CDYL2: variants seen among roughly 807,000 people sequenced by gnomAD.
CDYL2 encodes chromodomain Y-like protein 2.
In CDYL2, 23 loss-of-function variants were observed where a neutral mutation model predicts 49.4. The observed-to-expected ratio is 0.47, with a 90% CI of 0.34 to 0.66. The LOEUF is 0.66. Ranked by LOEUF, CDYL2 falls within the 30% of genes least tolerant of loss-of-function variation. The pLI is 0.01. For synonymous variants in CDYL2, 360 were observed against 268.8 expected, an observed-to-expected ratio of 1.34 and a Z score of -3.32; for missense variants, 678 against 656.4, an observed-to-expected ratio of 1.03 and a Z score of -0.36.
At chr16:80,754,861 A>G (rs1180386960) in intron 1 of CDYL2, among the ~76,000 whole-genome samples, 2 of 152,178 alleles carry the variant, frequency 1.3e-5, no homozygotes, top group Admixed American at 1.3e-4. Context: ...AGCCTCCTGT[A>G]TCAGGGAAGG....
intron 2 of CDYL2, among the ~76,000 whole-genome samples, chr16:80,650,841 T>C (rs755310075): frequency 6.6e-6 from 1 of 151,972 alleles, no homozygotes; most frequent in Non-Finnish European, 1.5e-5. Context: ...CTGGAGGTCA[T>C]TCTGCTGAGT....
intron 1 of CDYL2, among the ~76,000 whole-genome samples, chr16:80,712,820 A>G (rs1186856798): frequency 6.6e-6 from 1 of 152,176 alleles, no homozygotes; most frequent in Non-Finnish European, 1.5e-5. Context: ...CATCTGATGT[A>G]TGTAAGATGC....
intron 2 of CDYL2, among the ~76,000 whole-genome samples, chr16:80,664,473 C>G (rs1447497770): frequency 6.6e-6 from 1 of 152,174 alleles, no homozygotes; most frequent in African/African-American, 2.4e-5. Context: ...TCACTGGGGA[C>G]CAGCTGATCC....
At chr16:80,746,609 G>A (rs1905939096) in intron 1 of CDYL2, among the ~76,000 whole-genome samples, 1 of 152,178 alleles carries the variant, frequency 6.6e-6, no homozygotes, top group South Asian at 2.1e-4. Flanking sequence ...ATAATTCCTG[G>A]CTCAGACAGC....
intron 1 of CDYL2, among the ~76,000 whole-genome samples, chr16:80,724,776 T>G (rs1905112449): frequency 6.6e-6 from 1 of 152,220 alleles, no homozygotes; most frequent in African/African-American, 2.4e-5. Flanking sequence ...TCCATCCACT[T>G]CTCTGCATCA....
chr16:80,789,810 G>A (rs899527738), intron 1 of CDYL2, among the ~76,000 whole-genome samples: 2 of 152,150 alleles, frequency 1.3e-5, no homozygotes, highest in African/African-American at 2.4e-5. Context: ...TAATAAAGAA[G>A]CAGAAAATCA....
intron 1 of CDYL2, among the ~76,000 whole-genome samples, chr16:80,712,215 A>ATATATG (rs763194077): frequency 1.6e-5 from 2 of 128,358 alleles, no homozygotes; most frequent in African/African-American, 5.3e-5. Context: ...ATATATATAT[A>ATATATG]TCTCCAAACC....
At chr16:80,798,339 G>A (rs938736099) in intron 1 of CDYL2, among the ~76,000 whole-genome samples, 13 of 152,268 alleles carry the variant, frequency 8.5e-5, no homozygotes, top group Admixed American at 2.0e-4. Flanking sequence ...CACAGTGCCC[G>A]GCCTGTGCAG....
chr16:80,670,573 G>T (rs935417616), intron 2 of CDYL2, among the ~76,000 whole-genome samples: 1 of 152,122 alleles, frequency 6.6e-6, no homozygotes, highest in African/African-American at 2.4e-5. Context: ...CAGCTACTGT[G>T]GCTGACATGG....
chr16:80,709,260 T>C (rs756990847), intron 1 of CDYL2, among the ~76,000 whole-genome samples: 2 of 151,782 alleles, frequency 1.3e-5, no homozygotes, highest in Non-Finnish European at 2.9e-5. Context: ...CGTGCACCTG[T>C]AGCCCCAGCT....
intron 1 of CDYL2, among the ~76,000 whole-genome samples, chr16:80,764,412 A>G (rs1228056763): frequency 1.3e-5 from 2 of 152,182 alleles, no homozygotes. Context: ...CAGTGTCACA[A>G]TCTCCCCAAA....
chr16:80,629,780 C>G (rs1907470821), intron 3 of CDYL2, among the ~76,000 whole-genome samples: 1 of 152,320 alleles, frequency 6.6e-6, no homozygotes, highest in East Asian at 1.9e-4. Context: ...TAATTATAAC[C>G]ATGAAAGTGG....
chr16:80,620,405 G>A (rs1907026177), intron 4 of CDYL2, among the ~76,000 whole-genome samples: 1 of 152,168 alleles, frequency 6.6e-6, no homozygotes, highest in African/African-American at 2.4e-5. Flanking sequence ...ATCAGGCAAG[G>A]GGCGGGAGTA....
At chr16:80,792,881 A>G (rs935075352) in intron 1 of CDYL2, among the ~76,000 whole-genome samples, 1 of 152,150 alleles carries the variant, frequency 6.6e-6, no homozygotes, top group Non-Finnish European at 1.5e-5. Context: ...ACAGCCTACC[A>G]GCAATGACTG....
In CDYL2 at chr16:80,633,135, C is replaced by T; in HGVS notation, c.718G>A (p.Val240Ile). Residue 240 changes from valine (V) to isoleucine (I), a missense_variant, in exon 3 of 7, where the codon GTC (valine) becomes ATC (isoleucine). Physicochemically the swap from Val to Ile is conservative, Grantham distance 29. Coordinates refer to ENST00000570137, the MANE Select transcript of CDYL2 (RefSeq NM_152342.4). ...YVFDKRLRYS[V>I]RQNESNCRFR... ...CGACAGTTGCTTTCATTCTGGCGGACACTGTATCTGAGCCTTTTGTCAAAG... is the reference window on the plus strand; with the variant it reads ...CGACAGTTGCTTTCATTCTGGCGGATACTGTATCTGAGCCTTTTGTCAAAG... 2 of 1,614,230 alleles carry T rather than the reference C, an allele frequency of 1.2e-6. No individual in the cohort carries two copies. Among genetic ancestry groups the T allele is most frequent in the Non-Finnish European group, 1.7e-6 (2 of 1,180,044 alleles).
chr16:80,630,863 C>A (rs994306578), intron 3 of CDYL2, among the ~76,000 whole-genome samples: 5 of 152,182 alleles, frequency 3.3e-5, no homozygotes, highest in African/African-American at 1.2e-4. Flanking sequence ...CTCCCCACCC[C>A]ACTTCCTATG....
At chr16:80,637,290 A>C (rs1197543068) in intron 2 of CDYL2, among the ~76,000 whole-genome samples, 1 of 152,188 alleles carries the variant, frequency 6.6e-6, no homozygotes, top group African/African-American at 2.4e-5. Flanking sequence ...CAAAATACCT[A>C]CAGATAATGT....
Position 80,603,126 on chromosome 16 carries a change from G to T in CDYL2, c.*1262C>A, listed in dbSNP as rs565216932. On this transcript the variant is annotated 3_prime_UTR_variant, in exon 7 of 7. Coordinates refer to ENST00000570137, the MANE Select transcript of CDYL2 (RefSeq NM_152342.4). ...GTCATTTCAGCTTCTGGAGGGAAAA[G>T]ATTCAGACCTCCAGACAGCTCAGCA... 3 of 152,306 alleles carry T rather than the reference G, an allele frequency of 2.0e-5. No homozygotes were observed. Among genetic ancestry groups the T allele is most frequent in the Middle Eastern group, 6.8e-3 (2 of 294 alleles). The allele number at this position is 152,306 out of a possible 1,614,324, so 9.4% of individuals were successfully genotyped here. A position where few individuals can be genotyped will look rare whatever the true frequency, so the allele number is the denominator to read the frequency against.
chr16:80,699,315 T>G (rs1904289211), intron 1 of CDYL2, among the ~76,000 whole-genome samples: 1 of 152,196 alleles, frequency 6.6e-6, no homozygotes, highest in Non-Finnish European at 1.5e-5. Context: ...TTATATACAA[T>G]GCAATACTAT....
Sources: gnomAD v4.1 joint callset for allele counts (sites outside exome capture counted in the v4.1 genomes callset) on GRCh38, gnomAD v4.1.1 for gene constraint, MANE v1.5 for transcripts, NCBI Gene and HGNC (gene_info 2026-07-23, HGNC 2026-07-21) for gene names.